Variants in KRTAP13-3 observed in about 807,000 individuals in gnomAD.
KRTAP13-3 encodes keratin-associated protein 13-3.
For missense variants in KRTAP13-3, 243 were observed against 202.8 expected (o/e 1.20, Z -1.20); for synonymous variants, 98 against 79.4 (o/e 1.23, Z -1.25).
At chr21:30,425,516 T>C (rs1275433361) in exon 1 of KRTAP13-3, 2 of 1,614,028 alleles carry the variant, frequency 1.2e-6, no homozygotes, top group South Asian at 1.1e-5. Context: ...GTATGGATTC[T>C]ATAATTCAGA....
At chr21:30,425,487 A>G in exon 1 of KRTAP13-3, 5 of 1,613,730 alleles carry the variant, frequency 3.1e-6, no homozygotes, top group Non-Finnish European at 4.2e-6. Context: ...ATCTGGATCT[A>G]TAACTCTGGG....
exon 1 of KRTAP13-3, chr21:30,425,727 C>A: frequency 1.9e-6 from 3 of 1,614,138 alleles, no homozygotes; most frequent in Non-Finnish European, 2.5e-6. Flanking sequence ...AGCTGTTGGG[C>A]CTCCAGCAGG....
chr21:30,425,620 C>T (rs745473100), exon 1 of KRTAP13-3: 3 of 1,614,064 alleles, frequency 1.9e-6, no homozygotes, highest in East Asian at 2.2e-5. Context: ...ACCCCGAGAC[C>T]CAACATGCAT....
chr21:30,425,725 G>A, exon 1 of KRTAP13-3: 1 of 1,614,152 alleles, frequency 6.2e-7, no homozygotes, highest in Non-Finnish European at 8.5e-7. Flanking sequence ...ACAGCTGTTG[G>A]GCCTCCAGCA....
chr21:30,425,921 G>A (rs772670106), exon 1 of KRTAP13-3: 2 of 1,604,672 alleles, frequency 1.2e-6, no homozygotes, highest in Middle Eastern at 1.7e-4. Context: ...ATGTTGACGG[G>A]AAGATGTGAG....
exon 1 of KRTAP13-3, chr21:30,425,529 T>G (rs769659529): frequency 6.2e-7 from 1 of 1,614,050 alleles, no homozygotes; most frequent in Non-Finnish European, 8.5e-7. Context: ...AATTCAGATA[T>G]CTGAAGCCAT....
exon 1 of KRTAP13-3, chr21:30,425,515 C>A (rs746804941): frequency 6.2e-7 from 1 of 1,613,932 alleles, no homozygotes; most frequent in South Asian, 1.1e-5. Flanking sequence ...GGTATGGATT[C>A]TATAATTCAG....
exon 1 of KRTAP13-3, chr21:30,425,923 A>T (rs770330508): frequency 4.4e-6 from 7 of 1,603,946 alleles, no homozygotes; most frequent in African/African-American, 1.3e-5. Flanking sequence ...GTTGACGGGA[A>T]GATGTGAGTT....
exon 1 of KRTAP13-3, chr21:30,425,488 T>C: frequency 6.2e-7 from 1 of 1,613,738 alleles, no homozygotes; most frequent in South Asian, 1.1e-5. Context: ...TCTGGATCTA[T>C]AACTCTGGGA....
At chr21:30,425,631 A>T (rs1346461856) in exon 1 of KRTAP13-3, 13 of 1,614,074 alleles carry the variant, frequency 8.1e-6, no homozygotes, top group African/African-American at 1.3e-5. Context: ...CAACATGCAT[A>T]GTCAGGCAAG....
exon 1 of KRTAP13-3, chr21:30,425,759 G>A: frequency 6.2e-7 from 1 of 1,614,196 alleles, no homozygotes; most frequent in Admixed American, 1.7e-5. Flanking sequence ...CCCCTATAGA[G>A]AGAGGAACCC....
At chr21:30,425,894 A>C (rs758385113) in exon 1 of KRTAP13-3, 1 of 1,613,046 alleles carries the variant, frequency 6.2e-7, no homozygotes, top group South Asian at 1.1e-5. Context: ...AAGTTTCTAG[A>C]GCAACAGTTG....
chr21:30,425,867 C>A (rs201460500), exon 1 of KRTAP13-3: 2 of 1,613,744 alleles, frequency 1.2e-6, no homozygotes, highest in African/African-American at 2.7e-5. Flanking sequence ...AAGTAACCCC[C>A]GTGGGAGCAG....
exon 1 of KRTAP13-3, chr21:30,425,497 G>A (rs1984269281): frequency 1.2e-6 from 2 of 1,613,766 alleles, no homozygotes; most frequent in South Asian, 1.1e-5. Context: ...ATAACTCTGG[G>A]AAGGGGAGGT....
At chr21:30,425,611 C>G in exon 1 of KRTAP13-3, 1 of 1,614,178 alleles carries the variant, frequency 6.2e-7, no homozygotes, top group Non-Finnish European at 8.5e-7. Context: ...GGATCCAAAA[C>G]CCCGAGACCC....
At position 30,425,524 on chromosome 21, in the gene KRTAP13-3, A is replaced by G. The variant is rs1198958894; in HGVS notation, c.389T>C (p.Leu130Pro). The change falls in exon 1 of 1, where the codon CTG becomes CCG. Residue 130 changes from leucine (L) to proline (P), a missense_variant. Physicochemically the swap from Leu to Pro is moderately conservative, Grantham distance 98 (BLOSUM62 -3). Transcript: ENST00000390690. ...AGGGGAGGTATGGATTCTATAATTC[A>G]GATATCTGAAGCCATTGGATCCACA... The G allele has an allele frequency of 1.5e-5, 24 of 1,613,992 alleles. No homozygotes were observed. Among genetic ancestry groups the G allele is most frequent in the East Asian group, 8.9e-5 (4 of 44,850 alleles).
Position 30,425,644 on chromosome 21 carries a change from T to C in KRTAP13-3, c.269A>G (p.Asn90Ser), listed in dbSNP as rs1286632642. ...CCCAACATGCATAGTCAGGCAAGAA[T>C]TGCAGAGCATGTGAGTCCTGGGGTA... The change falls in exon 1 of 1, where the codon AAT becomes AGT. Residue 90 changes from asparagine to serine, a missense_variant. Transcript: ENST00000390690. 9 of 1,614,104 alleles carry C rather than the reference T, an allele frequency of 5.6e-6. No homozygotes were observed. The South Asian group carries it at 8.8e-5, about 16-fold the overall frequency.
At chr21:30,425,853 G>A (rs1387903849) in exon 1 of KRTAP13-3, 2 of 1,613,984 alleles carry the variant, frequency 1.2e-6, no homozygotes, top group East Asian at 2.2e-5. Flanking sequence ...AGCCTGGGTA[G>A]TGCAAGTAAC....
At chr21:30,425,654 T>C in exon 1 of KRTAP13-3, 1 of 1,614,098 alleles carries the variant, frequency 6.2e-7, no homozygotes, top group South Asian at 1.1e-5. Context: ...TTGCAGAGCA[T>C]GTGAGTCCTG....
Sources: gnomAD v4.1 joint callset for allele counts on GRCh38, gnomAD v4.1.1 for gene constraint, MANE v1.5 for transcripts, NCBI Gene and HGNC (gene_info 2026-07-23, HGNC 2026-07-21) for gene names.